Variants in SETD2 observed in about 807,000 individuals in gnomAD.
SETD2 encodes the protein SET domain containing 2, histone lysine methyltransferase, also known as histone-lysine N-methyltransferase SETD2.
In SETD2, 31 loss-of-function variants were observed where a neutral mutation model predicts 242.1. The observed-to-expected ratio is 0.13, with a 90% CI of 0.10 to 0.17. SETD2 has a LOEUF of 0.17. Among genes scored for constraint, SETD2 ranks in the 10% least tolerant of loss-of-function variants. SETD2 has a pLI of 1.00. For missense variants in SETD2, 2,481 were observed against 3,046.3 expected (o/e 0.81, Z 4.37); for synonymous variants, 1,006 against 1,066.5 (o/e 0.94, Z 1.11).
At chr3:47,040,894 C>G (rs1036284384) in intron 17 of SETD2, among the ~76,000 whole-genome samples, 2 of 152,070 alleles carry the variant, frequency 1.3e-5, no homozygotes, top group African/African-American at 4.8e-5. Context: ...ATACATACTT[C>G]TTTTTGTGAG....
At chr3:47,041,230 G>A (rs573885753) in intron 17 of SETD2, 58 of 248,944 alleles carry the variant, frequency 2.3e-4, no homozygotes, top group Non-Finnish European at 3.4e-4. Context: ...TAGTGTGAAA[G>A]CAACCATAGA....
chr3:47,094,032 A>G (rs2041909811), intron 9 of SETD2, among the ~76,000 whole-genome samples: 1 of 152,152 alleles, frequency 6.6e-6, no homozygotes, highest in Admixed American at 6.5e-5. Context: ...CTCATTATGC[A>G]TATTCTGGAT....
intron 1 of SETD2, among the ~76,000 whole-genome samples, chr3:47,151,107 T>C (rs1410710816): frequency 2.0e-5 from 3 of 152,012 alleles, no homozygotes; most frequent in Admixed American, 2.0e-4. Flanking sequence ...GATTCCTCCA[T>C]TAAAAGAGAA....
chr3:47,143,873 G>C (rs1223917534), intron 1 of SETD2, among the ~76,000 whole-genome samples: 1 of 152,044 alleles, frequency 6.6e-6, no homozygotes, highest in Non-Finnish European at 1.5e-5. Flanking sequence ...ACCACACCCG[G>C]CTAATTTTTT....
Position 47,121,207 on chromosome 3 carries a change from A to C in SETD2, c.3429T>G (p.Ile1143Met), listed in dbSNP as rs370889511. ...GTTTTCTACTGGACTGTGTAAAAGAAATTTCCGGATTCTTCTCTGTTCCTT... is the reference window on the plus strand; with the variant it reads ...GTTTTCTACTGGACTGTGTAAAAGACATTTCCGGATTCTTCTCTGTTCCTT... ...LHKGTEKNPE[I>M]SFTQSSRKQI... Residue 1143 changes from isoleucine to methionine, a missense_variant, in exon 3 of 21, where the codon ATT (isoleucine) becomes ATG (methionine). By Grantham distance (10) the Ile-to-Met change is conservative. Coordinates refer to ENST00000409792, the MANE Select transcript of SETD2 (RefSeq NM_014159.7). 5 of 1,614,158 alleles carry C rather than the reference A, an allele frequency of 3.1e-6. No homozygotes were observed. The highest frequency in any genetic ancestry group is 4.2e-6 in the Non-Finnish European group (5 of 1,180,012).
chr3:47,047,250 C>T (rs1045861332), intron 15 of SETD2, among the ~76,000 whole-genome samples: 2 of 152,164 alleles, frequency 1.3e-5, no homozygotes, highest in African/African-American at 4.8e-5. Flanking sequence ...CCTTAACATA[C>T]ATCATCTCAT....
chr3:47,106,146 C>T (rs2107697259), intron 5 of SETD2, 26 bp from the exon 6 acceptor site: 1 of 1,602,350 alleles, frequency 6.2e-7, no homozygotes, highest in South Asian at 1.1e-5. Flanking sequence ...AAAAAAATAG[C>T]ACTTCCTACC....
At chr3:47,072,974 GA>G (rs1209365908) in intron 12 of SETD2, among the ~76,000 whole-genome samples, 68 of 134,394 alleles carry the variant, frequency 5.1e-4, no homozygotes, top group East Asian at 1.5e-3. Flanking sequence ...AAGAAAGAAA[GA>G]AAAAAAAAAA....
chr3:47,091,039 T>G (rs1392169244), intron 9 of SETD2, among the ~76,000 whole-genome samples: 2 of 152,238 alleles, frequency 1.3e-5, no homozygotes, highest in Non-Finnish European at 2.9e-5. Context: ...AACCCATTTT[T>G]CTTTCTAAAA....
At chr3:47,151,943 T>G (rs1265636308) in intron 1 of SETD2, among the ~76,000 whole-genome samples, 1 of 151,990 alleles carries the variant, frequency 6.6e-6, no homozygotes, top group East Asian at 1.9e-4. Context: ...ATACTATAAT[T>G]GGGGGAACAG....
At chr3:47,130,689 A>G (rs1466799509) in intron 1 of SETD2, among the ~76,000 whole-genome samples, 1 of 152,178 alleles carries the variant, frequency 6.6e-6, no homozygotes, top group Non-Finnish European at 1.5e-5. Context: ...ATAAAAAATA[A>G]GGAGGCATGT....
chr3:47,042,754 G>C (rs2107540487), intron 16 of SETD2, 54 bp from the exon 17 acceptor site: 1 of 1,494,414 alleles, frequency 6.7e-7, no homozygotes, highest in Non-Finnish European at 9.0e-7. Context: ...TAATCTGGCT[G>C]AATAGGACAA....
intron 2 of SETD2, among the ~76,000 whole-genome samples, chr3:47,125,089 C>T (rs987955434): frequency 1.3e-5 from 2 of 151,868 alleles, no homozygotes; most frequent in African/African-American, 2.4e-5. Flanking sequence ...GAGGCCGAGG[C>T]GGGAGGATCA....
chr3:47,068,497 T>A (rs1018915687), intron 12 of SETD2, among the ~76,000 whole-genome samples: 3 of 145,192 alleles, frequency 2.1e-5, no homozygotes, highest in African/African-American at 7.7e-5. Flanking sequence ...CACTATCTTT[T>A]TTTTTTTTTT....
chr3:47,026,183 A>G (rs150226097), intron 18 of SETD2, among the ~76,000 whole-genome samples: 385 of 152,364 alleles, frequency 2.5e-3, no homozygotes, highest in Non-Finnish European at 3.8e-3. Context: ...ATATTTATGC[A>G]GCCAACAAAC....
At chr3:47,055,840 G>A (rs574494067) in intron 15 of SETD2, among the ~76,000 whole-genome samples, 11 of 151,032 alleles carry the variant, frequency 7.3e-5, no homozygotes, top group African/African-American at 2.2e-4. Context: ...GCGAAACCCC[G>A]TCTCTACTAA....
At chr3:47,108,965 A>G (rs533308862) in intron 5 of SETD2, among the ~76,000 whole-genome samples, 1 of 152,358 alleles carries the variant, frequency 6.6e-6, no homozygotes, top group South Asian at 2.1e-4. Context: ...CATGAAGGCA[A>G]AGGCAATGAG....
rs2037987937 is a variant in SETD2, at chr3:47,016,469, G to A, written c.*624C>T. On this transcript the variant is annotated 3_prime_UTR_variant, in exon 21 of 21. Transcript: ENST00000409792. ...TTGATTTTATTTTTTTACATAAAAA[G>A]TTCAGTAAAAATTGGATAAAGTAAA... The A allele has an allele frequency of 8.6e-6, 2 of 232,104 alleles. No homozygotes were observed. Among genetic ancestry groups the A allele is most frequent in the Non-Finnish European group, 8.5e-6 (1 of 117,214 alleles). 14.4% of individuals were successfully genotyped at this position (232,104 alleles called of 1,614,324 possible).
chr3:47,155,763 G>A (rs929605497), intron 1 of SETD2, among the ~76,000 whole-genome samples: 21 of 152,126 alleles, frequency 1.4e-4, no homozygotes, highest in African/African-American at 4.6e-4. Flanking sequence ...CCAAGATTGT[G>A]CCACTGCACT....
Sources: gnomAD v4.1 joint callset for allele counts (sites outside exome capture counted in the v4.1 genomes callset) on GRCh38, gnomAD v4.1.1 for gene constraint, MANE v1.5 for transcripts, NCBI Gene and HGNC (gene_info 2026-07-23, HGNC 2026-07-21) for gene names.